FBXL17: variants seen among roughly 807,000 people sequenced by gnomAD.
The protein encoded by FBXL17 is F-box and leucine rich repeat protein 17.
Under a neutral mutation model 66.2 loss-of-function variants are expected in FBXL17, and 22 were observed. The ratio of observed to expected loss-of-function variants is 0.33; its 90% CI spans 0.24 to 0.47. FBXL17 has a LOEUF of 0.47. FBXL17 is among the 20% of genes least tolerant of loss of function. The pLI, the probability that FBXL17 is intolerant of heterozygous loss-of-function variation, is 1.00. For synonymous variants in FBXL17, 474 were observed against 400.5 expected (o/e 1.18, Z -2.19); for missense variants, 878 against 948.2 (o/e 0.93, Z 0.97).
At chr5:107,881,828 A>G (rs1211507889) in intron 7 of FBXL17, among the ~76,000 whole-genome samples, 3 of 152,196 alleles carry the variant, frequency 2.0e-5, no homozygotes, top group Non-Finnish European at 4.4e-5. Context: ...TCCTTCTATT[A>G]ACATACAAAA....
intron 6 of FBXL17, among the ~76,000 whole-genome samples, chr5:108,069,078 C>A (rs538447264): frequency 6.6e-6 from 1 of 152,136 alleles, no homozygotes; most frequent in South Asian, 2.1e-4. Context: ...CACATACACA[C>A]ACAAACATAC....
At chr5:108,094,627 T>C (rs567987361) in intron 6 of FBXL17, among the ~76,000 whole-genome samples, 29 of 152,230 alleles carry the variant, frequency 1.9e-4, no homozygotes, top group African/African-American at 6.0e-4. Context: ...TAACATAAAG[T>C]TGCAAATGTG....
At chr5:108,232,666 T>C (rs894714740) in intron 4 of FBXL17, among the ~76,000 whole-genome samples, 10 of 150,518 alleles carry the variant, frequency 6.6e-5, no homozygotes, top group African/African-American at 1.2e-4. Context: ...CCCTCAAACA[T>C]TGGACTCCAA....
intron 4 of FBXL17, among the ~76,000 whole-genome samples, chr5:108,267,328 G>A (rs1757084228): frequency 6.6e-6 from 1 of 151,922 alleles, no homozygotes; most frequent in African/African-American, 2.4e-5. Context: ...TACTGAACTA[G>A]AAATCCAAGA....
At chr5:108,068,835 G>C (rs1748220070) in intron 6 of FBXL17, among the ~76,000 whole-genome samples, 1 of 152,142 alleles carries the variant, frequency 6.6e-6, no homozygotes, top group Admixed American at 6.5e-5. Context: ...GTGTGCAATG[G>C]ATGCCTGTAA....
chr5:108,212,721 C>G (rs1014593157), intron 5 of FBXL17, among the ~76,000 whole-genome samples: 1 of 152,184 alleles, frequency 6.6e-6, no homozygotes, highest in Non-Finnish European at 1.5e-5. Context: ...AGATGCCAGC[C>G]AGAGCTCTCC....
intron 5 of FBXL17, among the ~76,000 whole-genome samples, chr5:108,210,686 T>G (rs1171249006): frequency 6.6e-6 from 1 of 152,220 alleles, no homozygotes; most frequent in Admixed American, 6.5e-5. Context: ...CTCTTTGTTA[T>G]GATTTCTGCT....
At chr5:108,028,592 C>T (rs1042142324) in intron 6 of FBXL17, among the ~76,000 whole-genome samples, 1 of 152,108 alleles carries the variant, frequency 6.6e-6, no homozygotes. Flanking sequence ...CTCTTTAACC[C>T]CTGTGCTCTG....
rs1561521760 is a variant in FBXL17, at chr5:107,896,642, T to TA, written c.1823-15464dup. Among the ~76,000 whole-genome samples, 9 of 152,246 alleles carry TA rather than the reference T, an allele frequency of 5.9e-5. No homozygotes were observed. The East Asian group carries it at 1.7e-3, about 29-fold the overall frequency. The stretch of plus-strand genomic sequence containing the variant: ...TCATGGGACATATACAACATGCCAC[T>TA]AGTGTTGCTGAAAATGCTCCCAAGA... On this transcript the variant is annotated intron_variant, in intron 7 of 8. Transcript: ENST00000542267.
At chr5:108,353,658 G>T (rs1303275812) in intron 3 of FBXL17, among the ~76,000 whole-genome samples, 1 of 152,162 alleles carries the variant, frequency 6.6e-6, no homozygotes, top group Non-Finnish European at 1.5e-5. Flanking sequence ...CTTCCTAGGG[G>T]AAGGGAAATA....
chr5:107,904,836 T>C (rs533547180), intron 7 of FBXL17, among the ~76,000 whole-genome samples: 19 of 152,260 alleles, frequency 1.2e-4, no homozygotes, highest in Non-Finnish European at 2.1e-4. Flanking sequence ...TTAATTGCTA[T>C]TAGATTTTTT....
At chr5:107,905,518 T>C (rs1179263849) in intron 7 of FBXL17, among the ~76,000 whole-genome samples, 4 of 152,168 alleles carry the variant, frequency 2.6e-5, no homozygotes, top group Non-Finnish European at 5.9e-5. Flanking sequence ...TGTTTGCTAT[T>C]TGTGAAATAA....
chr5:107,913,625 T>C (rs1233944481), intron 7 of FBXL17, among the ~76,000 whole-genome samples: 1 of 152,026 alleles, frequency 6.6e-6, no homozygotes, highest in African/African-American at 2.4e-5. Context: ...TTGACTGCAC[T>C]GCATCCTGGA....
At chr5:107,964,883 T>G (rs1752059982) in intron 7 of FBXL17, among the ~76,000 whole-genome samples, 1 of 152,104 alleles carries the variant, frequency 6.6e-6, no homozygotes, top group African/African-American at 2.4e-5. Flanking sequence ...GGTAGAGGCT[T>G]CCCTATTCTG....
chr5:107,981,043 T>A, intron 7 of FBXL17, among the ~76,000 whole-genome samples: 1 of 152,116 alleles, frequency 6.6e-6, no homozygotes, highest in Non-Finnish European at 1.5e-5. Flanking sequence ...TAAGTGCTTC[T>A]TAGTCATTAG....
chr5:108,372,853 G>T (rs1306666189), intron 1 of FBXL17, among the ~76,000 whole-genome samples: 2 of 152,086 alleles, frequency 1.3e-5, no homozygotes, highest in African/African-American at 4.8e-5. Flanking sequence ...GTAATTGTTG[G>T]TATTTACATA....
intron 4 of FBXL17, among the ~76,000 whole-genome samples, chr5:108,285,909 C>T (rs1054077450): frequency 6.6e-6 from 1 of 151,566 alleles, no homozygotes; most frequent in African/African-American, 2.4e-5. Flanking sequence ...ACCAGTAAAC[C>T]ATATCCAGCA....
At chr5:108,130,731 T>C (rs1440214688) in intron 6 of FBXL17, among the ~76,000 whole-genome samples, 1 of 152,042 alleles carries the variant, frequency 6.6e-6, no homozygotes, top group East Asian at 1.9e-4. Flanking sequence ...CTGTCAATTG[T>C]GTTCTAACTG....
chr5:108,146,442 C>T (rs929287424), intron 6 of FBXL17, among the ~76,000 whole-genome samples: 1 of 152,106 alleles, frequency 6.6e-6, no homozygotes, highest in Non-Finnish European at 1.5e-5. Context: ...TTTCACACTC[C>T]CAGCTCAGTT....
Sources: allele counts gnomAD v4.1 joint callset (sites outside exome capture counted in the v4.1 genomes callset), GRCh38; gene constraint gnomAD v4.1.1; transcripts MANE v1.5; gene names NCBI Gene and HGNC (gene_info 2026-07-23, HGNC 2026-07-21).